Variants in ROBO2 observed in about 807,000 individuals in gnomAD.
ROBO2 encodes the protein roundabout homolog 2.
ROBO2 carries 53 observed loss-of-function variants against 160.8 expected under a neutral mutation model. That is an observed-to-expected ratio of 0.33 (90% CI 0.26 to 0.41). The LOEUF is 0.41. Among genes scored for constraint, ROBO2 ranks in the 10% least tolerant of loss-of-function variants. The probability of loss-of-function intolerance (pLI) is 1.00; values close to 1 mark genes in which losing one functional copy is unlikely to be tolerated. For synonymous variants in ROBO2, 664 were observed against 611.7 expected (o/e 1.09, Z -1.26); for missense variants, 1,577 against 1,722.4 (o/e 0.92, Z 1.49).
At chr3:77,376,744 C>A (rs1191703781) in intron 2 of ROBO2, among the ~76,000 whole-genome samples, 8 of 152,178 alleles carry the variant, frequency 5.3e-5, no homozygotes, top group Non-Finnish European at 1.0e-4. Flanking sequence ...CATTAGACCG[C>A]AAGTCCATTG....
At chr3:77,520,789 C>T (rs915860757) in intron 5 of ROBO2, among the ~76,000 whole-genome samples, 2 of 151,308 alleles carry the variant, frequency 1.3e-5, no homozygotes, top group African/African-American at 4.8e-5. Context: ...CATAGGCTAA[C>T]TGTAGAAAAG....
intron 2 of ROBO2, among the ~76,000 whole-genome samples, chr3:76,861,662 A>G (rs1482994217): frequency 1.3e-5 from 2 of 152,168 alleles, no homozygotes; most frequent in Admixed American, 6.5e-5. Context: ...AGTGGTGTAT[A>G]TAACTACCTA....
At chr3:77,506,595 C>G (rs1167953543) in intron 5 of ROBO2, among the ~76,000 whole-genome samples, 1 of 152,000 alleles carries the variant, frequency 6.6e-6, no homozygotes, top group Non-Finnish European at 1.5e-5. Context: ...TTGGGTGCTA[C>G]TGGCATCTAG....
Position 77,370,532 on chromosome 3 carries a change from G to A in ROBO2, c.389-106882G>A, listed in dbSNP as rs980985342. Among the ~76,000 whole-genome samples the A allele has an allele frequency of 3.9e-5, 6 of 152,200 alleles. No homozygotes were observed. The South Asian group carries it at 1.2e-3, about 31-fold the overall frequency. On this transcript the variant is annotated intron_variant, in intron 2 of 25. Transcript: ENST00000461745. ...CTGGGCTTGTGGCAGCAGGTCGAGT[G>A]TATTGGGTTATCCAGTGGGCTGATT...
chr3:77,192,009 A>G (rs1297156807), intron 2 of ROBO2, among the ~76,000 whole-genome samples: 2 of 152,158 alleles, frequency 1.3e-5, no homozygotes, highest in Non-Finnish European at 2.9e-5. Context: ...TGGGGAAGCA[A>G]TTGTGGGAAT....
chr3:76,244,920 C>T (rs758905630), intron 2 of ROBO2, among the ~76,000 whole-genome samples: 12 of 152,116 alleles, frequency 7.9e-5, no homozygotes, highest in Non-Finnish European at 1.5e-4. Flanking sequence ...TAAGTGTCAG[C>T]CTAACATCAT....
intron 2 of ROBO2, among the ~76,000 whole-genome samples, chr3:76,493,017 C>T (rs2079919858): frequency 6.6e-6 from 1 of 151,768 alleles, no homozygotes; most frequent in South Asian, 2.1e-4. Flanking sequence ...GAAGTATTTG[C>T]ACTCACTGGA....
intron 2 of ROBO2, among the ~76,000 whole-genome samples, chr3:76,751,809 T>C (rs377537344): frequency 6.6e-6 from 1 of 152,106 alleles, no homozygotes; most frequent in Non-Finnish European, 1.5e-5. Flanking sequence ...CTGGAGAGGA[T>C]GTGGAGAAAT....
intron 2 of ROBO2, among the ~76,000 whole-genome samples, chr3:76,869,652 CT>C: frequency 6.6e-6 from 1 of 151,774 alleles, no homozygotes; most frequent in South Asian, 2.1e-4. Context: ...CCCGGCCGAT[CT>C]TTTTTTAGTA....
intron 2 of ROBO2, among the ~76,000 whole-genome samples, chr3:76,624,204 CA>C (rs2089444972): frequency 6.6e-6 from 1 of 152,102 alleles, no homozygotes; most frequent in African/African-American, 2.4e-5. Flanking sequence ...TAAATTGCAA[CA>C]AAGAATTTAG....
intron 2 of ROBO2, among the ~76,000 whole-genome samples, chr3:76,399,961 C>G (rs897408772): frequency 6.6e-6 from 1 of 151,560 alleles, no homozygotes; most frequent in Non-Finnish European, 1.5e-5. Flanking sequence ...TGGCTTTACT[C>G]CATAAATTCA....
At chr3:76,741,603 A>T (rs1218175623) in intron 2 of ROBO2, among the ~76,000 whole-genome samples, 2 of 152,016 alleles carry the variant, frequency 1.3e-5, no homozygotes, top group African/African-American at 4.8e-5. Context: ...TACATGACTT[A>T]CTTTGAGTTT....
At chr3:76,991,306 A>C (rs2149371171) in intron 2 of ROBO2, among the ~76,000 whole-genome samples, 1 of 152,338 alleles carries the variant, frequency 6.6e-6, no homozygotes. Context: ...GTTAAGTCAA[A>C]CTATTGTGTA....
At chr3:77,608,521 G>A (rs186247357) in intron 21 of ROBO2, among the ~76,000 whole-genome samples, 6 of 152,218 alleles carry the variant, frequency 3.9e-5, no homozygotes, top group Middle Eastern at 3.4e-3. Context: ...AATTTTCTTC[G>A]AGGGTCTTTA....
At position 76,152,392 on chromosome 3, in the gene ROBO2, T is replaced by C. The variant is rs146929329; in HGVS notation, c.109+214790T>C. 3.4e-3 allele frequency among the ~76,000 whole-genome samples: 524 copies of C among 152,242 alleles called. 2 individuals are homozygous for C. Among genetic ancestry groups the C allele is most frequent in the Non-Finnish European group, 4.8e-3 (327 of 68,010 alleles). ...GCTTCAAATTCAGTCAATCAAAAGATTGATGGAGTATATAGAACACAACAT... is the reference window on the plus strand; with the variant it reads ...GCTTCAAATTCAGTCAATCAAAAGACTGATGGAGTATATAGAACACAACAT... On this transcript the variant is annotated intron_variant, in intron 2 of 26. Coordinates refer to the ROBO2 transcript ENST00000487694.
At chr3:76,595,607 A>G (rs1419138335) in intron 2 of ROBO2, among the ~76,000 whole-genome samples, 1 of 152,116 alleles carries the variant, frequency 6.6e-6, no homozygotes, top group Non-Finnish European at 1.5e-5. Flanking sequence ...AAAAAATTAC[A>G]GATTATATAT....
rs112932654 is a variant in ROBO2, at chr3:76,950,214, G to A, written c.110-147800G>A. ...TTTTTCATGTCAATATTTGTTCTACGGTGTTCAGTTTAAAGAGTGTAATAT... is the reference window on the plus strand; with the variant it reads ...TTTTTCATGTCAATATTTGTTCTACAGTGTTCAGTTTAAAGAGTGTAATAT... On this transcript the variant is annotated intron_variant, in intron 2 of 26. Transcript: ENST00000487694. Among the ~76,000 whole-genome samples, 55 of 152,136 alleles carry A rather than the reference G, an allele frequency of 3.6e-4. 1 individual carries two copies. Among genetic ancestry groups the A allele is most frequent in the East Asian group, 3.5e-3 (18 of 5,166 alleles).
intron 2 of ROBO2, among the ~76,000 whole-genome samples, chr3:77,216,336 G>A (rs1331187991): frequency 6.6e-6 from 1 of 152,148 alleles, no homozygotes; most frequent in Non-Finnish European, 1.5e-5. Flanking sequence ...TGCTGTGCTA[G>A]CAATGAGCAA....
At chr3:77,449,577 A>G (rs2080914138) in intron 2 of ROBO2, among the ~76,000 whole-genome samples, 1 of 152,080 alleles carries the variant, frequency 6.6e-6, no homozygotes, top group Non-Finnish European at 1.5e-5. Flanking sequence ...TGTTTCCATT[A>G]GAGTTCACTG....
Sources: allele counts gnomAD v4.1 joint callset (sites outside exome capture counted in the v4.1 genomes callset), GRCh38; gene constraint gnomAD v4.1.1; transcripts MANE v1.5; gene names NCBI Gene and HGNC (gene_info 2026-07-23, HGNC 2026-07-21).